The following LIMD1 variants were observed in gnomAD, a reference collection of about 807,000 sequenced individuals.
LIMD1 encodes LIM domain-containing protein 1.
LIMD1 carries 23 observed loss-of-function variants against 58.4 expected under a neutral mutation model. That is an observed-to-expected ratio of 0.39 (90% confidence interval 0.28 to 0.56). The LOEUF is 0.56. Ranked by LOEUF, LIMD1 falls within the 20% of genes least tolerant of loss-of-function variation. The probability of loss-of-function intolerance (pLI) is 0.57; values close to 1 mark genes in which losing one functional copy is unlikely to be tolerated. For synonymous variants in LIMD1, 334 were observed against 345.5 expected (o/e 0.97, Z 0.37); for missense variants, 838 against 855.5 (o/e 0.98, Z 0.25).
chr3:45,611,853 T>C (rs1296588971), intron 1 of LIMD1, among the ~76,000 whole-genome samples: 1 of 152,178 alleles, frequency 6.6e-6, no homozygotes, highest in Non-Finnish European at 1.5e-5. Flanking sequence ...GCCCCTCCTC[T>C]ACCCATAGCA....
chr3:45,649,673 T>G (rs909031292), intron 2 of LIMD1, among the ~76,000 whole-genome samples: 2 of 142,420 alleles, frequency 1.4e-5, no homozygotes. Context: ...AGAGTGAGAC[T>G]CTGTCTCAAA....
In LIMD1 at chr3:45,595,119, A is replaced by G; in HGVS notation, c.240A>G (p.Gly80=). The G allele has an allele frequency of 6.2e-7, 1 of 1,608,780 alleles. No homozygotes were observed. Among genetic ancestry groups the G allele is most frequent in the Non-Finnish European group, 8.5e-7 (1 of 1,177,242 alleles). ...LPRGSRGPVN[G]GGRLGPQARW... ...GGGGGAGTAGAGGCCCTGTCAATGG[A>G]GGGGGCCGCCTGGGCCCACAGGCCC... is the stretch of plus-strand genomic sequence containing the variant. The change falls in exon 1 of 8, where the codon GGA becomes GGG. Residue 80 remains glycine (G), a synonymous_variant. Transcript: ENST00000273317.
chr3:45,596,392 T>C (rs1346119462), intron 1 of LIMD1, 105 bp downstream of exon 1: 3 of 855,012 alleles, frequency 3.5e-6, no homozygotes, highest in Non-Finnish European at 3.6e-6. Context: ...TTACCTCTCT[T>C]TGAGTGGCCT....
intron 1 of LIMD1, among the ~76,000 whole-genome samples, chr3:45,609,932 G>A (rs1358813916): frequency 6.6e-6 from 1 of 152,204 alleles, no homozygotes; most frequent in Non-Finnish European, 1.5e-5. Flanking sequence ...GGTGGCCCAT[G>A]CCTGTAATCC....
chr3:45,616,757 CT>C (rs1335272194), intron 1 of LIMD1, among the ~76,000 whole-genome samples: 412 of 141,712 alleles, frequency 2.9e-3, no homozygotes, highest in South Asian at 2.9e-3. Flanking sequence ...ATGAGAAAGT[CT>C]TTTTTTTTTT....
rs770725014 is a variant in LIMD1 at position 45,658,337 on chromosome 3, C to G, written c.1511-7313C>G. ...AAAATCAGACGTAGTCCCCCAACCC[C>G]CTGTACTGGCCTCCTGTGTCCGGAC... is the stretch of plus-strand genomic sequence containing the variant. On this transcript the variant is annotated intron_variant, in intron 2 of 7. Transcript: ENST00000273317. Among the ~76,000 whole-genome samples, 5 of 152,134 alleles carry G rather than the reference C, an allele frequency of 3.3e-5. No individual in the cohort carries two copies. In the South Asian group the frequency reaches 1.0e-3, roughly 32 times the overall value.
rs1032440266 is a variant in LIMD1, at chr3:45,682,228, A to G, written c.*5169A>G. On this transcript the variant is annotated 3_prime_UTR_variant, in exon 8 of 8. Transcript: ENST00000273317. ...TCTGATTTTGCCAACATGGGCTGCT[A>G]TTTGCTTAAGACCTTGATGGTATAA... 2 of 152,098 alleles carry G rather than the reference A, an allele frequency of 1.3e-5. No homozygotes were observed. The highest frequency in any genetic ancestry group is 1.9e-4 in the East Asian group (1 of 5,196). The allele number at this position is 152,098 out of a possible 1,614,324, so 9.4% of individuals were successfully genotyped here. A position where few individuals can be genotyped will look rare whatever the true frequency, so the allele number is the denominator to read the frequency against.
chr3:45,614,765 G>GGT (rs1433219274), intron 1 of LIMD1, among the ~76,000 whole-genome samples: 3 of 44,538 alleles, frequency 6.7e-5, no homozygotes, highest in East Asian at 1.2e-3. Flanking sequence ...TAAATTCCTG[G>GGT]GTGTTTTTTT....
chr3:45,625,227 TTC>T (rs1034058653), intron 1 of LIMD1, among the ~76,000 whole-genome samples: 1 of 152,118 alleles, frequency 6.6e-6, no homozygotes, highest in African/African-American at 2.4e-5. Flanking sequence ...AAAGAAAAGT[TTC>T]TACCCATTTA....
chr3:45,629,451 A>G (rs1701705377), intron 1 of LIMD1, among the ~76,000 whole-genome samples: 4 of 151,572 alleles, frequency 2.6e-5, no homozygotes, highest in Admixed American at 2.6e-4. Context: ...GAAATGTCAC[A>G]ACATACTGAT....
intron 2 of LIMD1, among the ~76,000 whole-genome samples, chr3:45,641,212 A>G (rs1314313816): frequency 6.6e-6 from 1 of 152,166 alleles, no homozygotes; most frequent in East Asian, 1.9e-4. Context: ...CTCAAGGTCA[A>G]AAACCTGGCT....
intron 1 of LIMD1, among the ~76,000 whole-genome samples, chr3:45,619,047 A>G (rs1194685788): frequency 6.6e-6 from 1 of 152,246 alleles, no homozygotes; most frequent in Admixed American, 6.5e-5. Context: ...TTTTTTAAAA[A>G]ACTATACTCT....
Position 45,676,969 on chromosome 3 carries a change from G to A in LIMD1, c.1941G>A (p.Pro647=), listed in dbSNP as rs368779936. 5.3e-5 allele frequency: 86 copies of A among 1,613,968 alleles called. No individual in the cohort carries two copies. The highest frequency in any genetic ancestry group is 1.3e-4 in the East Asian group (6 of 44,886). The change falls in exon 8 of 8, where the codon CCG becomes CCA. Residue 647 remains proline, a synonymous_variant. Transcript: ENST00000273317. The stretch of plus-strand genomic sequence containing the variant: ...ATGAAGATGGCCACCGCTGTTATCC[G>A]CTGGAGGACCACCTGTTCTGTCACT... ...LNDEDGHRCY[P]LEDHLFCHSC...
intron 2 of LIMD1, among the ~76,000 whole-genome samples, chr3:45,651,473 C>T (rs557808742): frequency 2.0e-5 from 3 of 152,114 alleles, no homozygotes; most frequent in Non-Finnish European, 4.4e-5. Context: ...TTTGGTCTTA[C>T]ATTTAAGTCC....
In LIMD1 at chr3:45,686,012, G is replaced by C. The variant is rs1427482308; in HGVS notation, c.*8953G>C. 2 of 152,100 alleles carry C rather than the reference G, an allele frequency of 1.3e-5. No individual in the cohort carries two copies. Among genetic ancestry groups the C allele is most frequent in the Non-Finnish European group, 2.9e-5 (2 of 68,024 alleles). The allele number at this position is 152,100 out of a possible 1,614,324, so 9.4% of individuals were successfully genotyped here. On this transcript the variant is annotated 3_prime_UTR_variant, in exon 8 of 8. Coordinates refer to ENST00000273317, the MANE Select transcript of LIMD1 (RefSeq NM_014240.3). The stretch of plus-strand genomic sequence containing the variant: ...GCAAGCTGACTCCCAGCACATCCAA[G>C]AATGCAATTAACTGATAAGATACTG...
At chr3:45,619,839 CA>C (rs201367339) in intron 1 of LIMD1, among the ~76,000 whole-genome samples, 12 of 101,936 alleles carry the variant, frequency 1.2e-4, no homozygotes, top group African/African-American at 4.1e-4. Context: ...CCCCCCCCCC[CA>C]AAAAAAGCAC....
chr3:45,612,442 G>A (rs1284825867), intron 1 of LIMD1, among the ~76,000 whole-genome samples: 1 of 152,212 alleles, frequency 6.6e-6, no homozygotes, highest in Non-Finnish European at 1.5e-5. Flanking sequence ...ATGCCTGGAA[G>A]TCATTTAGTG....
intron 2 of LIMD1, among the ~76,000 whole-genome samples, chr3:45,653,604 C>A (rs1306251327): frequency 6.6e-6 from 1 of 152,150 alleles, no homozygotes; most frequent in African/African-American, 2.4e-5. Context: ...TTAGCAATAT[C>A]TTTTAAGAGT....
intron 2 of LIMD1, among the ~76,000 whole-genome samples, chr3:45,639,909 C>T (rs756365174): frequency 2.6e-5 from 4 of 152,154 alleles, no homozygotes; most frequent in African/African-American, 7.2e-5. Flanking sequence ...GTGATCTACC[C>T]GCCTCAGCTT....
Sources: allele counts gnomAD v4.1 joint callset (sites outside exome capture counted in the v4.1 genomes callset), GRCh38; gene constraint gnomAD v4.1.1; transcripts MANE v1.5; gene names NCBI Gene and HGNC (gene_info 2026-07-23, HGNC 2026-07-21).